The following SH3BP4 variants were observed in gnomAD, a reference collection of about 807,000 sequenced individuals.
SH3BP4 encodes SH3 domain binding protein 4.
Under a neutral mutation model 65.5 loss-of-function variants are expected in SH3BP4, and 33 were observed. That is an observed-to-expected ratio of 0.50 (90% CI 0.38 to 0.67). The LOEUF is 0.67. SH3BP4 is among the 30% of genes least tolerant of loss of function. The probability of loss-of-function intolerance (pLI) is 0.00; values close to 1 mark genes in which losing one functional copy is unlikely to be tolerated. For synonymous variants in SH3BP4, 552 were observed against 545.5 expected, an observed-to-expected ratio of 1.01 and a Z score of -0.17; for missense variants, 1,134 against 1,261.4, an observed-to-expected ratio of 0.90 and a Z score of 1.53.
rs1695268484 is a variant in SH3BP4 at position 235,033,428 on chromosome 2, C to T, written c.-132-1443C>T. On this transcript the variant is annotated intron_variant, in intron 2 of 5. Coordinates refer to ENST00000392011, the MANE Select transcript of SH3BP4 (RefSeq NM_014521.3). This position sits in a 1 kb window ranked among gnomAD's most constrained non-coding sequence, Gnocchi z 5.7. ...ACTGCCCCACCTGCCAGTGCCATCA[C>T]ATTAGGGGACAGACCTTCAACATAG... Among the ~76,000 whole-genome samples the T allele has an allele frequency of 6.6e-6, 1 of 152,232 alleles. No individual in the cohort carries two copies. Among genetic ancestry groups the T allele is most frequent in the Non-Finnish European group, 1.5e-5 (1 of 68,034 alleles).
At chr2:235,038,391 A>ATATAT (rs1695521987) in intron 3 of SH3BP4, among the ~76,000 whole-genome samples, 3 of 16,310 alleles carry the variant, frequency 1.8e-4, no homozygotes, top group African/African-American at 1.3e-3. Flanking sequence ...ATATATATAT[A>ATATAT]TATATATATA....
intron 1 of SH3BP4, among the ~76,000 whole-genome samples, chr2:234,980,354 T>C (rs193301943): frequency 3.2e-4 from 48 of 152,340 alleles, no homozygotes; most frequent in Non-Finnish European, 6.3e-4. Flanking sequence ...AGCACTATAT[T>C]GTAATAAAAG....
At chr2:234,971,664 G>T (rs1219923610) in intron 1 of SH3BP4, among the ~76,000 whole-genome samples, 1 of 152,234 alleles carries the variant, frequency 6.6e-6, no homozygotes, top group Admixed American at 6.5e-5. Flanking sequence ...TTATTTTCTG[G>T]TTTTTTGACA....
At chr2:235,038,305 A>ATAC (rs375707819) in intron 3 of SH3BP4, among the ~76,000 whole-genome samples, 2,914 of 14,572 alleles carry the variant, frequency 0.2, 303 homozygotes, top group East Asian at 0.61. Context: ...TATATTATAT[A>ATAC]TATATATTAT....
At position 234,967,348 on chromosome 2, in the gene SH3BP4, T is replaced by C. The variant is rs879877884; in HGVS notation, c.-207+15178T>C. 6.6e-6 allele frequency among the ~76,000 whole-genome samples: 1 copy of C among 151,954 alleles called. No homozygotes were observed. The highest frequency in any genetic ancestry group is 2.4e-5 in the African/African-American group (1 of 41,360). On this transcript the variant is annotated intron_variant, in intron 1 of 5. Coordinates refer to ENST00000392011, the MANE Select transcript of SH3BP4 (RefSeq NM_014521.3). This position sits in a 1 kb window ranked among gnomAD's most constrained non-coding sequence, Gnocchi z 4.6. ...TGACGTGTGAGGGTGGGCGGGAGGT[T>C]GCCAGGTGGGTAATCAGGAGGATGA...
intron 2 of SH3BP4, among the ~76,000 whole-genome samples, chr2:235,011,569 G>A (rs548774791): frequency 2.4e-4 from 37 of 152,310 alleles, no homozygotes; most frequent in African/African-American, 7.2e-4. Context: ...TCCCTGGATC[G>A]TAGTCTCTAT....
intron 2 of SH3BP4, among the ~76,000 whole-genome samples, chr2:234,999,194 C>A (rs1694023089): frequency 6.6e-6 from 1 of 152,246 alleles, no homozygotes; most frequent in African/African-American, 2.4e-5. Context: ...AAGAACGGCG[C>A]CTGCCTTCTT....
At chr2:235,015,883 C>T (rs1031717027) in intron 2 of SH3BP4, among the ~76,000 whole-genome samples, 6 of 151,920 alleles carry the variant, frequency 3.9e-5, no homozygotes, top group African/African-American at 7.3e-5. Context: ...CAGCCATGGG[C>T]GCCTTGCTAG....
At chr2:235,027,402 C>T (rs895602379) in intron 2 of SH3BP4, among the ~76,000 whole-genome samples, 3 of 139,818 alleles carry the variant, frequency 2.1e-5, no homozygotes, top group Non-Finnish European at 4.7e-5. Context: ...GCTCGGGGTG[C>T]TGGGTGTCAG....
intron 2 of SH3BP4, among the ~76,000 whole-genome samples, chr2:235,006,412 A>G (rs546224165): frequency 2.0e-5 from 3 of 152,134 alleles, no homozygotes; most frequent in Non-Finnish European, 4.4e-5. Flanking sequence ...GAAACGAAGC[A>G]TAGTGCCTTT....
In SH3BP4 at chr2:235,053,915, T is replaced by G; in HGVS notation, c.*99T>G. ...AGCTGAAGAGGGAGGAAGGGGCGGC[T>G]GCTCAGACAGATTTAGGGCCCGCCA... On this transcript the variant is annotated 3_prime_UTR_variant, in exon 6 of 6. Transcript: ENST00000392011. 2.1e-6 allele frequency: 2 copies of G among 969,570 alleles called. No individual in the cohort carries two copies. The highest frequency in any genetic ancestry group is 3.2e-6 in the Non-Finnish European group (2 of 632,002). The allele number at this position is 969,570 out of a possible 1,614,324, so 60.1% of individuals were successfully genotyped here.
At chr2:234,954,151 C>T (rs1692537375) in intron 1 of SH3BP4, among the ~76,000 whole-genome samples, 1 of 152,032 alleles carries the variant, frequency 6.6e-6, no homozygotes, top group Non-Finnish European at 1.5e-5. Context: ...CAGGACACTT[C>T]TGTGAGCTTT....
At chr2:234,979,060 G>A (rs1693268000) in intron 1 of SH3BP4, 1 of 152,330 alleles carries the variant, frequency 6.6e-6, no homozygotes, top group South Asian at 2.1e-4. Context: ...AGGTTTCACA[G>A]GGTGCAGAGC....
chr2:234,953,176 G>C (rs1315809226), intron 1 of SH3BP4: 2 of 152,286 alleles, frequency 1.3e-5, no homozygotes, highest in Non-Finnish European at 2.9e-5. Context: ...TAATAATAAA[G>C]TTCGCATAAC....
At chr2:235,004,289 C>T (rs992942318) in intron 2 of SH3BP4, among the ~76,000 whole-genome samples, 2 of 152,160 alleles carry the variant, frequency 1.3e-5, no homozygotes. Flanking sequence ...GTGTCATTGC[C>T]TGTAGTCGCC....
chr2:234,988,955 G>A (rs1693668891), intron 1 of SH3BP4, among the ~76,000 whole-genome samples: 2 of 152,214 alleles, frequency 1.3e-5, no homozygotes, highest in South Asian at 4.1e-4. Flanking sequence ...TCCATCAGGT[G>A]AGATTTCAGG....
intron 2 of SH3BP4, among the ~76,000 whole-genome samples, chr2:235,016,791 G>A (rs1694697276): frequency 6.6e-6 from 1 of 152,192 alleles, no homozygotes; most frequent in Admixed American, 6.5e-5. Flanking sequence ...TAACAGGTGT[G>A]AGCCACCTCA....
intron 2 of SH3BP4, among the ~76,000 whole-genome samples, chr2:234,998,698 C>G (rs1438600350): frequency 6.6e-6 from 1 of 152,228 alleles, no homozygotes; most frequent in Non-Finnish European, 1.5e-5. Context: ...ACCCTGTACT[C>G]ACTACATGAC....
Position 235,038,377 on chromosome 2 carries a change from A to ATT in SH3BP4, c.119-2510_119-2509insTT, listed in dbSNP as rs1559254657. On this transcript the variant is annotated intron_variant, in intron 3 of 5. Transcript: ENST00000392011. ...ATATATATATATATAATATATATAC[A>ATT]TATATATATATATATATATATATAT... 1.0e-3 allele frequency among the ~76,000 whole-genome samples: 16 copies of ATT among 15,746 alleles called. 1 individual carries two copies. The South Asian group carries it at 0.012, about 12-fold the overall frequency. The allele number at this position is 15,746 out of a possible 152,430, so 10.3% of individuals were successfully genotyped here.
Sources: allele counts gnomAD v4.1 joint callset (sites outside exome capture counted in the v4.1 genomes callset), GRCh38; gene constraint gnomAD v4.1.1; non-coding constraint Gnocchi (gnomAD v3.1); transcripts MANE v1.5; gene names NCBI Gene and HGNC (gene_info 2026-07-23, HGNC 2026-07-21).